Variants in NRXN3 observed in about 807,000 individuals in gnomAD.
NRXN3 encodes neurexin III.
Under a neutral mutation model 137.6 loss-of-function variants are expected in NRXN3, and 32 were observed. The observed-to-expected ratio is 0.23, with a 90% confidence interval of 0.18 to 0.31. The LOEUF is 0.31. Ranked by LOEUF, NRXN3 falls within the 10% of genes least tolerant of loss-of-function variation. The pLI is 1.00. For missense variants in NRXN3, 1,574 were observed against 2,062.5 expected (o/e 0.76, Z 4.59); for synonymous variants, 798 against 784.5 (o/e 1.02, Z -0.29).
chr14:78,494,225 T>A (rs1354012620), intron 4 of NRXN3, among the ~76,000 whole-genome samples: 2 of 152,184 alleles, frequency 1.3e-5, no homozygotes, highest in African/African-American at 4.8e-5. Context: ...TAAAATATAT[T>A]ACACTTAGGT....
chr14:79,475,669 A>T lies in NRXN3; in HGVS notation c.3444+8267A>T, dbSNP rs535684381. Among the ~76,000 whole-genome samples, 4 of 152,222 alleles carry T rather than the reference A, an allele frequency of 2.6e-5. No individual in the cohort carries two copies. In the East Asian group the frequency reaches 7.7e-4, roughly 29 times the overall value. On this transcript the variant is annotated intron_variant, in intron 16 of 20. Coordinates refer to ENST00000335750, the MANE Select transcript of NRXN3 (RefSeq NM_001330195.2). ...CCTGGCATATAGTGAGCTTTCAATC[A>T]TGGATAGATTTTGATATTATTGGTA...
intron 8 of NRXN3, among the ~76,000 whole-genome samples, chr14:78,766,784 G>A (rs1424162764): frequency 6.6e-6 from 1 of 152,134 alleles, no homozygotes; most frequent in Non-Finnish European, 1.5e-5. Context: ...AGACCTCCTT[G>A]AATTTGAAAC....
chr14:79,205,258 T>C (rs2066628477), intron 15 of NRXN3, among the ~76,000 whole-genome samples: 1 of 152,220 alleles, frequency 6.6e-6, no homozygotes, highest in Non-Finnish European at 1.5e-5. Flanking sequence ...TCTGCTTTTG[T>C]GATATTTCAT....
intron 17 of NRXN3, among the ~76,000 whole-genome samples, chr14:79,670,765 C>T (rs952846353): frequency 6.6e-6 from 1 of 152,106 alleles, no homozygotes; most frequent in African/African-American, 2.4e-5. Context: ...TACCTTAAAG[C>T]ATTGCATGAA....
intron 4 of NRXN3, among the ~76,000 whole-genome samples, chr14:78,344,670 T>C (rs2082513630): frequency 6.6e-6 from 1 of 152,212 alleles, no homozygotes; most frequent in African/African-American, 2.4e-5. Flanking sequence ...TGAGTCTACC[T>C]GGCCTTGTTC....
At chr14:78,593,081 C>T (rs1219607570) in intron 4 of NRXN3, among the ~76,000 whole-genome samples, 1 of 152,226 alleles carries the variant, frequency 6.6e-6, no homozygotes, top group African/African-American at 2.4e-5. Context: ...TGTTCTCTGA[C>T]CACACTTTCC....
rs17107738 is a variant in NRXN3, at chr14:78,483,121, A to G, written c.758-161999A>G. 8.5e-3 allele frequency among the ~76,000 whole-genome samples: 1,287 copies of G among 152,260 alleles called. 19 individuals carry two copies. Among genetic ancestry groups the G allele is most frequent in the African/African-American group, 0.03 (1,235 of 41,554 alleles). On this transcript the variant is annotated intron_variant, in intron 4 of 20. Transcript: ENST00000335750. ...CTGGGAAGAGTGAGCTCACAAAAAG[A>G]CAGCTAGAGAACTAGTGATCATGAC...
At chr14:78,702,169 C>T (rs183770474) in intron 6 of NRXN3, among the ~76,000 whole-genome samples, 22 of 152,154 alleles carry the variant, frequency 1.4e-4, no homozygotes, top group African/African-American at 4.3e-4. Flanking sequence ...AAATGATGTT[C>T]ATGAATATGA....
At chr14:79,469,811 C>T (rs2096476821) in intron 16 of NRXN3, among the ~76,000 whole-genome samples, 1 of 152,252 alleles carries the variant, frequency 6.6e-6, no homozygotes, top group Middle Eastern at 3.4e-3. Flanking sequence ...CTTCATGGGT[C>T]TAGTCATTTG....
intron 8 of NRXN3, among the ~76,000 whole-genome samples, chr14:78,720,555 T>C (rs1473523049): frequency 1.3e-5 from 2 of 152,256 alleles, no homozygotes; most frequent in Admixed American, 6.5e-5. Flanking sequence ...TCCTTGGGCA[T>C]TTTCTTTTAT....
intron 16 of NRXN3, among the ~76,000 whole-genome samples, chr14:79,614,016 T>G (rs1227745382): frequency 6.6e-6 from 1 of 152,246 alleles, no homozygotes; most frequent in Admixed American, 6.5e-5. Flanking sequence ...ATGCTTTATT[T>G]TCTAATAACA....
intron 15 of NRXN3, among the ~76,000 whole-genome samples, chr14:79,191,955 A>C (rs1597091377): frequency 6.6e-6 from 1 of 151,874 alleles, no homozygotes; most frequent in Middle Eastern, 3.4e-3. Context: ...AGAACCCAGA[A>C]ACGACAGTGC....
At chr14:78,984,711 A>G (rs1203754178) in intron 14 of NRXN3, among the ~76,000 whole-genome samples, 1 of 152,206 alleles carries the variant, frequency 6.6e-6, no homozygotes, top group Non-Finnish European at 1.5e-5. Flanking sequence ...GTCTGGGTAC[A>G]GCCTTAAAGT....
chr14:79,691,748 A>C (rs1203853361), intron 17 of NRXN3, among the ~76,000 whole-genome samples: 1 of 152,050 alleles, frequency 6.6e-6, no homozygotes, highest in African/African-American at 2.4e-5. Flanking sequence ...GGAATACGGT[A>C]GATTAATAGT....
chr14:79,610,070 A>G (rs1317948428), intron 16 of NRXN3, among the ~76,000 whole-genome samples: 1 of 152,184 alleles, frequency 6.6e-6, no homozygotes, highest in African/African-American at 2.4e-5. Flanking sequence ...CACGTTCTGT[A>G]CATGTATCCC....
intron 16 of NRXN3, among the ~76,000 whole-genome samples, chr14:79,479,459 T>C (rs1262348749): frequency 6.6e-6 from 1 of 152,040 alleles, no homozygotes; most frequent in Non-Finnish European, 1.5e-5. Flanking sequence ...TAATCATTGA[T>C]ATGTTTGTTT....
chr14:78,695,370 C>G (rs1023123082), intron 6 of NRXN3: 1 of 151,984 alleles, frequency 6.6e-6, no homozygotes, highest in Non-Finnish European at 1.5e-5. Context: ...TACAGAGATA[C>G]CTTTCTCTTT....
intron 8 of NRXN3, chr14:78,744,350 A>C (rs2098597111): frequency 6.6e-6 from 1 of 152,190 alleles, no homozygotes; most frequent in African/African-American, 2.4e-5. Flanking sequence ...GCTGGTCTTG[A>C]ATTCCTGACC....
chr14:79,805,873 T>A (rs946253198), intron 20 of NRXN3, among the ~76,000 whole-genome samples: 14 of 152,158 alleles, frequency 9.2e-5, no homozygotes, highest in Non-Finnish European at 1.8e-4. Context: ...GAGAAGACTT[T>A]AGCAATCAGA....
Sources: gnomAD v4.1 joint callset for allele counts (sites outside exome capture counted in the v4.1 genomes callset) on GRCh38, gnomAD v4.1.1 for gene constraint, MANE v1.5 for transcripts, NCBI Gene and HGNC (gene_info 2026-07-23, HGNC 2026-07-21) for gene names.